PAQR5: variants seen among roughly 807,000 people sequenced by gnomAD.
The protein encoded by PAQR5 is membrane progestin receptor gamma.
In PAQR5, 20 loss-of-function variants were observed where a neutral mutation model predicts 34.5. That is an observed-to-expected ratio of 0.58 (90% CI 0.41 to 0.84). The LOEUF is 0.84. Among genes scored for constraint, PAQR5 ranks in the 40% least tolerant of loss-of-function variants. PAQR5 has a pLI of 0.00. For synonymous variants in PAQR5, 131 were observed against 155.6 expected (o/e 0.84, Z 1.18); for missense variants, 378 against 412.7 (o/e 0.92, Z 0.73).
intron 5 of PAQR5, among the ~76,000 whole-genome samples, chr15:69,386,233 T>TCA (rs779997396): frequency 6.9e-6 from 1 of 145,704 alleles, no homozygotes; most frequent in Non-Finnish European, 1.5e-5. Flanking sequence ...CTCACATACA[T>TCA]CACACACACA....
intron 3 of PAQR5, among the ~76,000 whole-genome samples, chr15:69,371,722 CTCCTTTGGTTTAGAAAAG>C (rs1352765146): frequency 6.6e-6 from 1 of 152,080 alleles, no homozygotes; most frequent in Middle Eastern, 3.2e-3. Context: ...TTATGTGCGA[CTCCTTTGGTTTAGAAAAG>C]TCCTATACAT....
intron 2 of PAQR5, among the ~76,000 whole-genome samples, chr15:69,342,612 C>G (rs2054671272): frequency 6.6e-6 from 1 of 152,186 alleles, no homozygotes; most frequent in Non-Finnish European, 1.5e-5. Context: ...CCTCCATCGT[C>G]CCCCAGGGTG....
rs375297021 is a variant in PAQR5, at chr15:69,322,760, A to G, written c.-276-14581A>G. Reference sequence around the variant, plus strand: ...AAGAAGAAGAAGAAGAAGAAGAAGAAGAAGAAGAAGAGGGAGAAGAAGAAG... The same window carrying G: ...AAGAAGAAGAAGAAGAAGAAGAAGAGGAAGAAGAAGAGGGAGAAGAAGAAG... On this transcript the variant is annotated intron_variant, in intron 1 of 8. Transcript: ENST00000395407. 5.6e-3 allele frequency among the ~76,000 whole-genome samples: 234 copies of G among 42,120 alleles called. 43 individuals carry two copies. The highest frequency in any genetic ancestry group is 6.2e-3 in the Non-Finnish European group (125 of 20,078). The allele number at this position is 42,120 out of a possible 152,430, so 27.6% of individuals were successfully genotyped here.
chr15:69,352,687 C>T (rs2054952624), intron 2 of PAQR5, among the ~76,000 whole-genome samples: 1 of 152,218 alleles, frequency 6.6e-6, no homozygotes, highest in Non-Finnish European at 1.5e-5. Context: ...GTGAAGGGAA[C>T]TCTTCTCAGT....
At chr15:69,365,774 G>T (rs955065971) in intron 3 of PAQR5, among the ~76,000 whole-genome samples, 1 of 152,172 alleles carries the variant, frequency 6.6e-6, no homozygotes, top group Admixed American at 6.5e-5. Flanking sequence ...TTCCCGAGTA[G>T]TTGGTAGAAT....
At chr15:69,358,328 T>C (rs1349230964) in intron 2 of PAQR5, among the ~76,000 whole-genome samples, 1 of 152,192 alleles carries the variant, frequency 6.6e-6, no homozygotes, top group African/African-American at 2.4e-5. Context: ...CTTGGATTTA[T>C]TTGCTTGGCA....
At chr15:69,318,627 C>T (rs2054007657) in intron 1 of PAQR5, among the ~76,000 whole-genome samples, 3 of 152,018 alleles carry the variant, frequency 2.0e-5, no homozygotes, top group Admixed American at 2.0e-4. Context: ...TGCTTTTCAC[C>T]TTGTCCTGCT....
At chr15:69,391,347 G>A in intron 6 of PAQR5, 1 of 157,172 alleles carries the variant, frequency 6.4e-6, no homozygotes, top group Non-Finnish European at 1.4e-5. Flanking sequence ...TAAATGGAAG[G>A]ATAGATTCTG....
intron 2 of PAQR5, among the ~76,000 whole-genome samples, chr15:69,350,176 T>C (rs773939291): frequency 6.6e-6 from 1 of 152,094 alleles, no homozygotes; most frequent in Non-Finnish European, 1.5e-5. Context: ...AACGGCAAAG[T>C]GGGTATAGTT....
At position 69,403,727 on chromosome 15, in the gene PAQR5, C is replaced by T. The variant is rs140161049; in HGVS notation, c.898C>T (p.Leu300Phe). 2 of 1,614,190 alleles carry T rather than the reference C, an allele frequency of 1.2e-6. No homozygotes were observed. The highest frequency in any genetic ancestry group is 1.7e-5 in the Admixed American group (1 of 60,022). The stretch of plus-strand genomic sequence containing the variant: ...TTTCTCTCAGATAGCTGGAGCCATA[C>T]TTCTGTGCATCATCTTCAGCCTCAG... ...FSFSQIAGAILLCIIFSLSNI... is the reference protein window; with the variant it reads ...FSFSQIAGAIFLCIIFSLSNI... Residue 300 changes from leucine (L) to phenylalanine (F), a missense_variant, in exon 9 of 9, where the codon CTT becomes TTT. By Grantham distance (22) the Leu-to-Phe change is conservative. Transcript: ENST00000395407.
intron 6 of PAQR5, among the ~76,000 whole-genome samples, chr15:69,390,806 G>A (rs2056245573): frequency 6.6e-6 from 1 of 151,684 alleles, no homozygotes; most frequent in Admixed American, 6.6e-5. Context: ...GTCAGGCCCA[G>A]CTTACGCGCT....
intron 3 of PAQR5, among the ~76,000 whole-genome samples, chr15:69,364,411 C>T (rs1034209319): frequency 7.2e-6 from 1 of 138,808 alleles, no homozygotes; most frequent in African/African-American, 2.9e-5. Context: ...CATTCTGTCT[C>T]CAAAAACAAA....
intron 1 of PAQR5, among the ~76,000 whole-genome samples, chr15:69,304,418 T>G (rs531598464): frequency 6.6e-6 from 1 of 152,280 alleles, no homozygotes; most frequent in South Asian, 2.1e-4. Flanking sequence ...GGAGACATGG[T>G]GTTGGCTCCT....
At chr15:69,304,580 C>G (rs1315201300) in intron 1 of PAQR5, among the ~76,000 whole-genome samples, 1 of 152,172 alleles carries the variant, frequency 6.6e-6, no homozygotes, top group Non-Finnish European at 1.5e-5. Context: ...TAATTCTCAC[C>G]CATGCCCTGT....
intron 3 of PAQR5, among the ~76,000 whole-genome samples, chr15:69,365,774 G>A (rs955065971): frequency 1.3e-5 from 2 of 152,172 alleles, no homozygotes. Context: ...TTCCCGAGTA[G>A]TTGGTAGAAT....
At chr15:69,399,627 G>A (rs1395921480) in intron 7 of PAQR5, among the ~76,000 whole-genome samples, 1 of 152,080 alleles carries the variant, frequency 6.6e-6, no homozygotes, top group African/African-American at 2.4e-5. Context: ...AGGATTTTTT[G>A]TCTTTCTTTT....
At chr15:69,370,221 A>G (rs2055521608) in intron 3 of PAQR5, among the ~76,000 whole-genome samples, 1 of 152,180 alleles carries the variant, frequency 6.6e-6, no homozygotes, top group Non-Finnish European at 1.5e-5. Flanking sequence ...TTTGCAGTTT[A>G]AGACTAGGGT....
chr15:69,378,517 CT>C (rs1373503777), intron 3 of PAQR5, among the ~76,000 whole-genome samples: 22 of 151,110 alleles, frequency 1.5e-4, no homozygotes, highest in Non-Finnish European at 5.9e-5. Flanking sequence ...AACAGAGAAC[CT>C]CTCTTACACT....
chr15:69,343,572 A>C (rs570384013), intron 2 of PAQR5, among the ~76,000 whole-genome samples: 10 of 152,372 alleles, frequency 6.6e-5, no homozygotes, highest in East Asian at 1.9e-4. Flanking sequence ...TAATCATTGC[A>C]GATGAACTTA....
Sources: allele counts gnomAD v4.1 joint callset (sites outside exome capture counted in the v4.1 genomes callset), GRCh38; gene constraint gnomAD v4.1.1; transcripts MANE v1.5; gene names NCBI Gene and HGNC (gene_info 2026-07-23, HGNC 2026-07-21).